The following RAB13 variants were observed in gnomAD, a reference collection of about 807,000 sequenced individuals.
RAB13 encodes the protein ras-related protein Rab-13.
RAB13 carries 15 observed loss-of-function variants against 29.3 expected under a neutral mutation model. The observed-to-expected ratio is 0.51, with a 90% CI of 0.34 to 0.79. The LOEUF (loss-of-function observed/expected upper bound fraction) is 0.79. RAB13 is among the 30% of genes least tolerant of loss of function. The pLI, the probability that RAB13 is intolerant of heterozygous loss-of-function variation, is 0.01. For synonymous variants in RAB13, 82 were observed against 93.8 expected, an observed-to-expected ratio of 0.87 and a Z score of 0.73; for missense variants, 186 against 255.5, an observed-to-expected ratio of 0.73 and a Z score of 1.85.
At chr1:153,986,383 G>GTGC, upstream of RAB13, 1 of 683,750 alleles carries the variant, frequency 1.5e-6, no homozygotes, top group Non-Finnish European at 2.4e-6. Flanking sequence ...AAGAGGAGAG[G>GTGC]CGGCACCCCT....
chr1:153,987,371 C>T (rs1311829242), upstream of RAB13, among the ~76,000 whole-genome samples: 1 of 151,878 alleles, frequency 6.6e-6, no homozygotes, highest in East Asian at 1.9e-4. Context: ...ACAAAATTAG[C>T]CGGGCGTGGT....
upstream of RAB13, among the ~76,000 whole-genome samples, chr1:153,989,942 T>G (rs1268630922): frequency 6.6e-6 from 1 of 152,050 alleles, no homozygotes; most frequent in African/African-American, 2.4e-5. Context: ...CTTTCACTTA[T>G]CCCCATCACC....
rs145912655 is a variant in RAB13 at position 153,982,578 on chromosome 1, C to T, written c.437G>A (p.Arg146Gln). 7.9e-5 allele frequency: 127 copies of T among 1,613,882 alleles called. No individual in the cohort carries two copies. Among genetic ancestry groups the T allele is most frequent in the African/African-American group, 7.3e-4 (55 of 75,010 alleles). Reference sequence around the variant, plus strand: ...GGATTTAGCACTAGTTTCGAAAAATCGGATTCCATGCTCTCGAGCCAACTA... The same window carrying T: ...GGATTTAGCACTAGTTTCGAAAAATTGGATTCCATGCTCTCGAGCCAACTA... ...ADKLAREHGI[R>Q]FFETSAKSSM... Residue 146 changes from arginine (R) to glutamine (Q), a missense_variant, in exon 6 of 8, where the codon CGA becomes CAA. By Grantham distance (43) the Arg-to-Gln change is conservative (BLOSUM62 1). Transcript: ENST00000368575.
At chr1:153,985,342 G>C in intron 1 of RAB13, 1 of 984,332 alleles carries the variant, frequency 1.0e-6, no homozygotes, top group Non-Finnish European at 1.2e-6. Context: ...CAGAATTGTC[G>C]TGAGACTCTT....
chr1:153,989,576 C>T (rs1649292281), upstream of RAB13, among the ~76,000 whole-genome samples: 1 of 151,836 alleles, frequency 6.6e-6, no homozygotes, highest in Non-Finnish European at 1.5e-5. Flanking sequence ...GGGAGTCTCT[C>T]TCGAGCCTAT....
intron 2 of RAB13, among the ~76,000 whole-genome samples, chr1:153,983,890 A>G (rs1215131892): frequency 6.6e-6 from 1 of 152,178 alleles, no homozygotes; most frequent in African/African-American, 2.4e-5. Context: ...AAAAATGAGG[A>G]AACACGCCAG....
chr1:153,982,454 G>A lies in RAB13; in HGVS notation c.481-10C>T. On this transcript the variant is annotated splice_polypyrimidine_tract_variant and intron_variant, in intron 6 of 7. Transcript: ENST00000368575. ...CCAGGGAACTAAAAGCCTAAAGTGG[G>A]GAACAGAGTCAGTTTGGAGGGAGGA... The A allele has an allele frequency of 1.2e-6, 2 of 1,613,514 alleles. No homozygotes were observed. The highest frequency in any genetic ancestry group is 1.7e-6 in the Non-Finnish European group (2 of 1,179,494).
upstream of RAB13, among the ~76,000 whole-genome samples, chr1:153,989,121 G>A (rs1404485284): frequency 7.4e-6 from 1 of 135,330 alleles, no homozygotes; most frequent in African/African-American, 2.7e-5. Flanking sequence ...TAGTCGAGAC[G>A]GGGTTTCACC....
At chr1:153,982,887 G>T (rs769424595) in intron 4 of RAB13, 79 bp from the exon 5 acceptor site, 2 of 1,418,662 alleles carry the variant, frequency 1.4e-6, no homozygotes, top group Non-Finnish European at 2.0e-6. Flanking sequence ...AGCACTTTGG[G>T]AGGCCAAGGC....
At chr1:153,986,442 C>A, upstream of RAB13, 1 of 541,450 alleles carries the variant, frequency 1.8e-6, no homozygotes, top group Non-Finnish European at 3.3e-6. Context: ...GCCAAGGCTG[C>A]CAGCCCGGCC....
upstream of RAB13, among the ~76,000 whole-genome samples, chr1:153,988,076 C>T (rs899053311): frequency 6.6e-6 from 1 of 151,628 alleles, no homozygotes; most frequent in Non-Finnish European, 1.5e-5. Flanking sequence ...CCTCCGCCTC[C>T]CGAATTCAAG....
At chr1:153,987,667 C>T (rs141439150), upstream of RAB13, among the ~76,000 whole-genome samples, 7 of 147,208 alleles carry the variant, frequency 4.8e-5, no homozygotes, top group South Asian at 2.2e-4. Flanking sequence ...AGACCTGTTG[C>T]GGTGGCTCAC....
At chr1:153,986,607 C>T (rs371886129), upstream of RAB13, among the ~76,000 whole-genome samples, 276 of 152,042 alleles carry the variant, frequency 1.8e-3, 3 homozygotes, top group South Asian at 0.023. Flanking sequence ...GGTTTAACCA[C>T]GACGACCAGA....
chr1:153,983,467 T>C, intron 3 of RAB13, 54 bp downstream of exon 3: 1 of 1,546,818 alleles, frequency 6.5e-7, no homozygotes, highest in Non-Finnish European at 8.9e-7. Flanking sequence ...TTTGTATTCA[T>C]AATATATTCT....
At position 153,982,807 on chromosome 1, in the gene RAB13, T is replaced by C; in HGVS notation, c.326A>G (p.Asn109Ser). ...IQNWMKSIKE[N>S]ASAGVERLLL... Reference sequence around the variant, plus strand: ...GAGGCGCTCCACCCCAGCCGAGGCATTCTGGGGGCAAAAGACAAGTAAAAG... The same window carrying C: ...GAGGCGCTCCACCCCAGCCGAGGCACTCTGGGGGCAAAAGACAAGTAAAAG... The change falls in exon 5 of 8, where the codon AAT (asparagine) becomes AGT (serine). Residue 109 changes from asparagine (N) to serine (S), a missense_variant and splice_region_variant. Physicochemically the swap from Asn to Ser is conservative, Grantham distance 46. Transcript: ENST00000368575. 1.2e-6 allele frequency: 2 copies of C among 1,614,080 alleles called. No individual in the cohort carries two copies. Among genetic ancestry groups the C allele is most frequent in the Non-Finnish European group, 1.7e-6 (2 of 1,179,998 alleles).
chr1:153,982,503 C>A, intron 6 of RAB13, 32 bp downstream of exon 6: 2 of 1,608,840 alleles, frequency 1.2e-6, no homozygotes, highest in Non-Finnish European at 1.7e-6. Context: ...AATACTTCCT[C>A]TCTTGGTCGG....
At position 153,982,187 on chromosome 1, in the gene RAB13, A is replaced by G; in HGVS notation, c.535-11T>C. 1.2e-6 allele frequency: 2 copies of G among 1,612,174 alleles called. No homozygotes were observed. Among genetic ancestry groups the G allele is most frequent in the Non-Finnish European group, 1.7e-6 (2 of 1,178,352 alleles). ...CTTGTTGCCGTTTCCCTAGAGGGAGAAGGGCACAGGTGTCATGGTGTGAAT... is the reference window on the plus strand; with the variant it reads ...CTTGTTGCCGTTTCCCTAGAGGGAGGAGGGCACAGGTGTCATGGTGTGAAT... On this transcript the variant is annotated splice_polypyrimidine_tract_variant and intron_variant, in intron 7 of 7. Transcript: ENST00000368575.
At chr1:153,982,923 C>A in intron 4 of RAB13, 115 bp from the exon 5 acceptor site, 2 of 1,004,956 alleles carry the variant, frequency 2.0e-6, no homozygotes, top group South Asian at 2.7e-5. Flanking sequence ...TGCAGGAGTT[C>A]AAGATCAGCC....
rs533757607 is a variant in RAB13, at chr1:153,981,899, A to G, written c.*200T>C. ...CTCCTTGCCTTCTTTCACTTCCTCA[A>G]TTCATTCCTCTCCCTTCTCCCTTCC... On this transcript the variant is annotated 3_prime_UTR_variant, in exon 8 of 8. Transcript: ENST00000368575. The G allele has an allele frequency of 5.0e-6, 3 of 603,346 alleles. No homozygotes were observed. Among genetic ancestry groups the G allele is most frequent in the East Asian group, 5.6e-5 (2 of 35,862 alleles). 37.4% of individuals were successfully genotyped at this position (603,346 alleles called of 1,614,324 possible). A position where few individuals can be genotyped will look rare whatever the true frequency, so the allele number is the denominator to read the frequency against.
Sources: allele counts gnomAD v4.1 joint callset (sites outside exome capture counted in the v4.1 genomes callset), GRCh38; gene constraint gnomAD v4.1.1; transcripts MANE v1.5; gene names NCBI Gene and HGNC (gene_info 2026-07-23, HGNC 2026-07-21).